Variants in GPC6 observed in about 807,000 individuals in gnomAD.
GPC6 encodes glypican-6.
In GPC6, 14 loss-of-function variants were observed where a neutral mutation model predicts 55.2. That is an observed-to-expected ratio of 0.25 (90% CI 0.17 to 0.40). GPC6 has a LOEUF of 0.40. GPC6 is among the 10% of genes least tolerant of loss of function. The probability of loss-of-function intolerance (pLI) is 1.00; values close to 1 mark genes in which losing one functional copy is unlikely to be tolerated. For missense variants in GPC6, 641 were observed against 708.5 expected (o/e 0.90, Z 1.08); for synonymous variants, 278 against 259.6 (o/e 1.07, Z -0.68).
intron 4 of GPC6, among the ~76,000 whole-genome samples, chr13:94,101,787 A>G (rs1027815765): frequency 1.3e-5 from 2 of 149,428 alleles, no homozygotes; most frequent in Admixed American, 1.3e-4. Flanking sequence ...TTGGGAACCA[A>G]AAAAAAAAAC....
At chr13:94,325,112 C>T (rs1192334065) in intron 6 of GPC6, among the ~76,000 whole-genome samples, 1 of 151,460 alleles carries the variant, frequency 6.6e-6, no homozygotes, top group Non-Finnish European at 1.5e-5. Flanking sequence ...TTCATAAGTG[C>T]CTCTGTTTGG....
chr13:94,126,609 A>T (rs1242859278), intron 4 of GPC6, among the ~76,000 whole-genome samples: 1 of 152,152 alleles, frequency 6.6e-6, no homozygotes, highest in African/African-American at 2.4e-5. Flanking sequence ...TAGGCATTTA[A>T]TGTCATCTTC....
chr13:93,877,834 C>T (rs1051244158), intron 3 of GPC6, among the ~76,000 whole-genome samples: 14 of 151,962 alleles, frequency 9.2e-5, no homozygotes, highest in African/African-American at 3.4e-4. Flanking sequence ...AAATCCTTTT[C>T]GTTGATTACA....
At chr13:93,497,939 T>C (rs1355302197) in intron 1 of GPC6, among the ~76,000 whole-genome samples, 1 of 152,194 alleles carries the variant, frequency 6.6e-6, no homozygotes, top group African/African-American at 2.4e-5. Context: ...GTTAAACCTA[T>C]TGTCTCAGAT....
chr13:94,169,971 C>T (rs1349961760), intron 4 of GPC6, among the ~76,000 whole-genome samples: 1 of 152,134 alleles, frequency 6.6e-6, no homozygotes, highest in East Asian at 1.9e-4. Flanking sequence ...GGCGGGACCT[C>T]TGGGGATGAA....
chr13:93,366,011 G>A (rs1283075720), intron 1 of GPC6, among the ~76,000 whole-genome samples: 13 of 152,002 alleles, frequency 8.6e-5, no homozygotes, highest in Admixed American at 8.5e-4. Flanking sequence ...CTAAGGTTTG[G>A]TAACAAGCAT....
chr13:93,876,863 G>A (rs972614436), intron 3 of GPC6, among the ~76,000 whole-genome samples: 1 of 151,944 alleles, frequency 6.6e-6, no homozygotes, highest in African/African-American at 2.4e-5. Flanking sequence ...GTTGATCCTG[G>A]GTATGTTGCA....
At chr13:93,478,839 A>C (rs1020027942) in intron 1 of GPC6, among the ~76,000 whole-genome samples, 1 of 152,208 alleles carries the variant, frequency 6.6e-6, no homozygotes, top group Non-Finnish European at 1.5e-5. Context: ...GGTACTTTAA[A>C]GGACAAATAA....
chr13:94,064,202 G>T (rs1884437245), intron 4 of GPC6, among the ~76,000 whole-genome samples: 1 of 152,154 alleles, frequency 6.6e-6, no homozygotes, highest in African/African-American at 2.4e-5. Flanking sequence ...TCTCCAAAAT[G>T]TTTCTAAGCT....
intron 3 of GPC6, among the ~76,000 whole-genome samples, chr13:93,899,015 A>G (rs1876191007): frequency 6.7e-6 from 1 of 149,242 alleles, no homozygotes; most frequent in East Asian, 2.0e-4. Flanking sequence ...TTTGCTTTTA[A>G]TCTCCAATAC....
At position 94,151,980 on chromosome 13, in the gene GPC6, C is replaced by A. The variant is rs570610420; in HGVS notation, c.877+124086C>A. 9.2e-5 allele frequency among the ~76,000 whole-genome samples: 14 copies of A among 152,098 alleles called. No homozygotes were observed. In the South Asian group the frequency reaches 2.9e-3, roughly 32 times the overall value. On this transcript the variant is annotated intron_variant, in intron 4 of 8. Transcript: ENST00000377047. Reference sequence around the variant, plus strand: ...CTTTCTTTTTTATTGACCCGCTTTTCCTCCATTCAGTGTGGAAGGATAAGC... The same window carrying A: ...CTTTCTTTTTTATTGACCCGCTTTTACTCCATTCAGTGTGGAAGGATAAGC...
intron 2 of GPC6, among the ~76,000 whole-genome samples, chr13:93,732,206 G>C (rs756902709): frequency 2.6e-5 from 4 of 152,060 alleles, no homozygotes; most frequent in African/African-American, 4.8e-5. Flanking sequence ...TTTATGCTGG[G>C]TAGGAGGCCG....
chr13:93,334,269 A>G (rs1566304349), intron 1 of GPC6, among the ~76,000 whole-genome samples: 2 of 152,062 alleles, frequency 1.3e-5, no homozygotes, highest in East Asian at 3.9e-4. Flanking sequence ...TAATTACTAT[A>G]GTTCTGTATA....
intron 2 of GPC6, among the ~76,000 whole-genome samples, chr13:93,762,270 T>G (rs1884980257): frequency 6.6e-6 from 1 of 152,190 alleles, no homozygotes; most frequent in South Asian, 2.1e-4. Context: ...CTCTTTGTCT[T>G]TAGAAATTAG....
chr13:94,024,698 T>C (rs1251748089), intron 3 of GPC6, among the ~76,000 whole-genome samples: 1 of 152,106 alleles, frequency 6.6e-6, no homozygotes, highest in East Asian at 1.9e-4. Context: ...CTACCCCGAG[T>C]TGGAGACTCT....
intron 3 of GPC6, among the ~76,000 whole-genome samples, chr13:93,952,432 T>C (rs74109143): frequency 0.034 from 5,142 of 152,148 alleles, 94 homozygotes; most frequent in Middle Eastern, 0.058. Flanking sequence ...GTATATAACT[T>C]CTTGAGTTTT....
At chr13:93,726,798 A>G (rs1019341114) in intron 2 of GPC6, among the ~76,000 whole-genome samples, 2 of 152,072 alleles carry the variant, frequency 1.3e-5, no homozygotes, top group Non-Finnish European at 2.9e-5. Flanking sequence ...ATACAAGGAC[A>G]ACTACCCACT....
chr13:93,433,876 G>A lies in GPC6; in HGVS notation c.161-111387G>A, dbSNP rs116230702. Reference sequence around the variant, plus strand: ...GATTTAATGCTGACGTGAGGGCAAGGATGCTGAGAAACATGCCACTCCGGA... The same window carrying A: ...GATTTAATGCTGACGTGAGGGCAAGAATGCTGAGAAACATGCCACTCCGGA... On this transcript the variant is annotated intron_variant, in intron 1 of 8. Coordinates refer to ENST00000377047, the MANE Select transcript of GPC6 (RefSeq NM_005708.5). 4.3e-3 allele frequency among the ~76,000 whole-genome samples: 655 copies of A among 152,266 alleles called. 5 individuals are homozygous for A. The highest frequency in any genetic ancestry group is 0.014 in the African/African-American group (595 of 41,562).
chr13:93,658,709 A>C (rs1052258660), intron 2 of GPC6, among the ~76,000 whole-genome samples: 2 of 151,772 alleles, frequency 1.3e-5, no homozygotes, highest in East Asian at 1.9e-4. Flanking sequence ...GTCAGTATTT[A>C]GTTATTACTA....
Sources: allele counts gnomAD v4.1 joint callset (sites outside exome capture counted in the v4.1 genomes callset), GRCh38; gene constraint gnomAD v4.1.1; transcripts MANE v1.5; gene names NCBI Gene and HGNC (gene_info 2026-07-23, HGNC 2026-07-21).